LRFN5: variants seen among roughly 807,000 people sequenced by gnomAD.
The protein encoded by LRFN5 is leucine-rich repeat and fibronectin type-III domain-containing protein 5.
A neutral mutation model predicts 45.6 loss-of-function variants in LRFN5; 24 were observed. The observed-to-expected ratio is 0.53, with a 90% confidence interval of 0.38 to 0.74. The LOEUF is 0.74. LRFN5 is among the 30% of genes least tolerant of loss of function. The probability of loss-of-function intolerance (pLI) is 0.00; values close to 1 mark genes in which losing one functional copy is unlikely to be tolerated. For missense variants in LRFN5, 776 were observed against 861.5 expected, an observed-to-expected ratio of 0.90 and a Z score of 1.24; for synonymous variants, 340 against 313.8, an observed-to-expected ratio of 1.08 and a Z score of -0.88.
intron 1 of LRFN5, among the ~76,000 whole-genome samples, chr14:41,696,515 C>T (rs1882616767): frequency 2.0e-5 from 2 of 97,756 alleles, no homozygotes. Flanking sequence ...CTTTACCCTT[C>T]AGCAGCTACC....
chr14:41,834,754 C>T (rs959342053), intron 2 of LRFN5, among the ~76,000 whole-genome samples: 1 of 152,002 alleles, frequency 6.6e-6, no homozygotes, highest in African/African-American at 2.4e-5. Context: ...CTTAACTTCC[C>T]TGGGCTCAAG....
At chr14:41,734,323 TA>T (rs1884322026) in intron 1 of LRFN5, among the ~76,000 whole-genome samples, 1 of 80,724 alleles carries the variant, frequency 1.2e-5, no homozygotes, top group Non-Finnish European at 2.4e-5. Flanking sequence ...GTTTTATATA[TA>T]TATATATATA....
intron 2 of LRFN5, among the ~76,000 whole-genome samples, chr14:41,823,368 CTATT>C (rs1315666575): frequency 5.9e-5 from 9 of 151,894 alleles, no homozygotes; most frequent in African/African-American, 1.2e-4. Context: ...GTTTGGAAGA[CTATT>C]TATCCTCCAT....
chr14:41,823,851 C>T (rs958723204), intron 2 of LRFN5, among the ~76,000 whole-genome samples: 25 of 152,058 alleles, frequency 1.6e-4, no homozygotes, highest in African/African-American at 5.6e-4. Context: ...TTCTCAAAGA[C>T]TTTGTTCATT....
At chr14:41,661,224 A>G (rs988215378) in intron 1 of LRFN5, among the ~76,000 whole-genome samples, 1 of 151,950 alleles carries the variant, frequency 6.6e-6, no homozygotes, top group Non-Finnish European at 1.5e-5. Flanking sequence ...TTCATGAAAC[A>G]TAATCTAATC....
chr14:41,670,294 T>C (rs1304684353), intron 1 of LRFN5, among the ~76,000 whole-genome samples: 8 of 64,646 alleles, frequency 1.2e-4, no homozygotes, highest in African/African-American at 4.2e-4. Context: ...TATATATATA[T>C]ATATATATAT....
intron 1 of LRFN5, among the ~76,000 whole-genome samples, chr14:41,717,586 A>G (rs2138761149): frequency 6.6e-6 from 1 of 152,280 alleles, no homozygotes; most frequent in South Asian, 2.1e-4. Flanking sequence ...CACAGCTTCC[A>G]CTGTTGTTGA....
At chr14:41,814,083 T>A (rs1300653366) in intron 2 of LRFN5, among the ~76,000 whole-genome samples, 1 of 129,884 alleles carries the variant, frequency 7.7e-6, no homozygotes, top group African/African-American at 2.6e-5. Context: ...ATGGACAGAT[T>A]GCAAAATTTT....
chr14:41,843,922 A>G (rs1032758998), intron 2 of LRFN5, among the ~76,000 whole-genome samples: 39 of 152,208 alleles, frequency 2.6e-4, no homozygotes, highest in African/African-American at 8.2e-4. Flanking sequence ...GGCACTTAAA[A>G]ATAAAATTTT....
chr14:41,607,304 GA>G lies in LRFN5; in HGVS notation c.-1446del, dbSNP rs34250486. On this transcript the variant is annotated 5_prime_UTR_variant, in exon 1 of 6. Transcript: ENST00000298119. ...CCATTTTGCACGGTCCGTTATATCA[GA>G]AAAAAAAAGCGCAACTGGACGGGGG... Among the ~76,000 whole-genome samples the G allele has an allele frequency of 0.45, 67,143 of 150,822 alleles. 15,268 individuals are homozygous for G. The highest frequency in any genetic ancestry group is 0.51 in the Non-Finnish European group (34,220 of 67,700).
intron 2 of LRFN5, among the ~76,000 whole-genome samples, chr14:41,820,382 T>A (rs1006273195): frequency 6.6e-6 from 1 of 152,022 alleles, no homozygotes; most frequent in African/African-American, 2.4e-5. Context: ...CCCATTTCCA[T>A]GGTGTATTTG....
chr14:41,865,037 A>T (rs868563737), intron 2 of LRFN5, among the ~76,000 whole-genome samples: 2 of 152,114 alleles, frequency 1.3e-5, no homozygotes, highest in Non-Finnish European at 2.9e-5. Context: ...TTCTATTTTT[A>T]AAAAAATTTG....
In LRFN5 at chr14:41,891,775, T is replaced by C; in HGVS notation, c.1911T>C (p.Thr637=). ...TGCCTCCTTCCTGGACTTCAAGCAC[T>C]TCTGTGTCCCAAAAGCAGAAAAGAA... is the stretch of plus-strand genomic sequence containing the variant. ...SALPPSWTSS[T]SVSQKQKRKT... The change falls in exon 4 of 6, where the codon ACT becomes ACC. Residue 637 remains threonine, a synonymous_variant. Coordinates refer to ENST00000298119, the MANE Select transcript of LRFN5 (RefSeq NM_152447.5). 6.2e-7 allele frequency: 1 copy of C among 1,614,172 alleles called. No homozygotes were observed. Among genetic ancestry groups the C allele is most frequent in the Non-Finnish European group, 8.5e-7 (1 of 1,180,032 alleles).
intron 2 of LRFN5, among the ~76,000 whole-genome samples, chr14:41,824,347 G>A (rs1007379564): frequency 3.3e-5 from 5 of 152,180 alleles, no homozygotes; most frequent in African/African-American, 1.2e-4. Flanking sequence ...CCCTCCCAAA[G>A]GGTGTGTAGG....
At chr14:41,623,792 T>A (rs1263719810) in intron 1 of LRFN5, among the ~76,000 whole-genome samples, 1 of 152,132 alleles carries the variant, frequency 6.6e-6, no homozygotes, top group Non-Finnish European at 1.5e-5. Flanking sequence ...CATATTTATT[T>A]TGTTTCAGCT....
At chr14:41,613,808 A>T (rs913968975) in intron 1 of LRFN5, among the ~76,000 whole-genome samples, 1 of 152,024 alleles carries the variant, frequency 6.6e-6, no homozygotes, top group African/African-American at 2.4e-5. Flanking sequence ...AGCCTAAACA[A>T]TGCTGTTTAT....
At chr14:41,701,360 G>C (rs987435465) in intron 1 of LRFN5, 1 of 151,970 alleles carries the variant, frequency 6.6e-6, no homozygotes, top group African/African-American at 2.4e-5. Flanking sequence ...TATACCAATG[G>C]GGACCTAAGC....
chr14:41,607,375 GGA>G lies in LRFN5; in HGVS notation c.-1378_-1377del. ...CTAGACAGACACACACACACTCAGAGGAGAGAGGAAGAATTGAAAGACTTGAG... is the reference window on the plus strand; with the variant it reads ...CTAGACAGACACACACACACTCAGAGGAGAGGAAGAATTGAAAGACTTGAG... On this transcript the variant is annotated 5_prime_UTR_variant, in exon 1 of 6. Coordinates refer to ENST00000298119, the MANE Select transcript of LRFN5 (RefSeq NM_152447.5). Among the ~76,000 whole-genome samples, 2 of 152,258 alleles carry G rather than the reference GGA, an allele frequency of 1.3e-5. No individual in the cohort carries two copies. The highest frequency in any genetic ancestry group is 2.9e-5 in the Non-Finnish European group (2 of 68,018).
At chr14:41,626,119 T>G (rs1888322539) in intron 1 of LRFN5, among the ~76,000 whole-genome samples, 1 of 152,126 alleles carries the variant, frequency 6.6e-6, no homozygotes, top group South Asian at 2.1e-4. Context: ...CTTTATCTTT[T>G]TTATAGAATT....
Sources: gnomAD v4.1 joint callset for allele counts (sites outside exome capture counted in the v4.1 genomes callset) on GRCh38, gnomAD v4.1.1 for gene constraint, MANE v1.5 for transcripts, NCBI Gene and HGNC (gene_info 2026-07-23, HGNC 2026-07-21) for gene names.